PTPN12: variants seen among roughly 807,000 people sequenced by gnomAD.
PTPN12 encodes the protein protein tyrosine phosphatase non-receptor type 12, also known as tyrosine-protein phosphatase non-receptor type 12.
Under a neutral mutation model 97.6 loss-of-function variants are expected in PTPN12, and 29 were observed. The observed-to-expected ratio is 0.30, with a 90% CI of 0.22 to 0.41. The LOEUF is 0.41. PTPN12 is among the 10% of genes least tolerant of loss of function. PTPN12 has a pLI of 1.00. For synonymous variants in PTPN12, 327 were observed against 300.4 expected (o/e 1.09, Z -0.91); for missense variants, 819 against 926.0 (o/e 0.88, Z 1.50).
At chr7:77,539,710 C>T (rs942046542) in intron 1 of PTPN12, among the ~76,000 whole-genome samples, 4 of 152,098 alleles carry the variant, frequency 2.6e-5, no homozygotes, top group African/African-American at 9.7e-5. Context: ...CTCACTGCAA[C>T]CTCTGCCTCC....
At chr7:77,551,143 C>T (rs1244915482) in intron 1 of PTPN12, among the ~76,000 whole-genome samples, 2 of 152,306 alleles carry the variant, frequency 1.3e-5, no homozygotes, top group African/African-American at 4.8e-5. Flanking sequence ...TCACTGCAGT[C>T]TCCGCCTCCT....
At chr7:77,632,327 A>T (rs180999750) in intron 13 of PTPN12, 21 bp from the exon 14 acceptor site, 449 of 1,535,556 alleles carry the variant, frequency 2.9e-4, no homozygotes, top group Middle Eastern at 2.0e-3. Flanking sequence ...ATTTGTCTAA[A>T]TTTTTATGTG....
At chr7:77,600,371 G>C (rs1338073979) in intron 7 of PTPN12, among the ~76,000 whole-genome samples, 1 of 152,154 alleles carries the variant, frequency 6.6e-6, no homozygotes, top group African/African-American at 2.4e-5. Flanking sequence ...GCCCACACTT[G>C]TCACTTCTTA....
chr7:77,583,677 T>C lies in PTPN12; in HGVS notation c.381+27T>C, dbSNP rs758393567. Reference sequence around the variant, plus strand: ...TAAGTAATTTACTTTTCACAATAAATTTTGAGAAATACTTATGTAATAACA... The same window carrying C: ...TAAGTAATTTACTTTTCACAATAAACTTTGAGAAATACTTATGTAATAACA... On this transcript the variant is annotated intron_variant, in intron 4 of 17. Transcript: ENST00000248594. 11 of 1,388,614 alleles carry C rather than the reference T, an allele frequency of 7.9e-6. No homozygotes were observed. In the South Asian group the frequency reaches 8.7e-5, roughly 11 times the overall value. 86.0% of individuals were successfully genotyped at this position (1,388,614 alleles called of 1,614,324 possible).
chr7:77,630,970 G>A (rs1437014604), intron 13 of PTPN12, among the ~76,000 whole-genome samples: 1 of 152,154 alleles, frequency 6.6e-6, no homozygotes, highest in Non-Finnish European at 1.5e-5. Flanking sequence ...GGTGAGAACT[G>A]CCATGAGAGA....
chr7:77,556,896 C>G (rs1807740519), intron 1 of PTPN12, among the ~76,000 whole-genome samples: 1 of 151,970 alleles, frequency 6.6e-6, no homozygotes, highest in East Asian at 1.9e-4. Flanking sequence ...CCTGGTAGAG[C>G]TCCTGGAGGT....
At chr7:77,552,756 A>G (rs909428274) in intron 1 of PTPN12, among the ~76,000 whole-genome samples, 5 of 152,346 alleles carry the variant, frequency 3.3e-5, no homozygotes, top group Non-Finnish European at 7.3e-5. Flanking sequence ...GGACAGTCCA[A>G]TGATATGGTT....
rs192166735 is a variant in PTPN12, at chr7:77,543,650, C to T, written c.99+6005C>T. ...AATTTTAGGACATTTTCTTCACTTT[C>T]TGTACCCATTAGCAGTCACTCCCCG... On this transcript the variant is annotated intron_variant, in intron 1 of 17. Coordinates refer to ENST00000248594, the MANE Select transcript of PTPN12 (RefSeq NM_002835.4). Among the ~76,000 whole-genome samples the T allele has an allele frequency of 6.1e-3, 930 of 152,226 alleles. 5 individuals carry two copies. The highest frequency in any genetic ancestry group is 0.037 in the Middle Eastern group (11 of 294).
intron 17 of PTPN12, 65 bp downstream of exon 17, chr7:77,638,796 T>A: frequency 6.6e-7 from 1 of 1,518,118 alleles, no homozygotes. Context: ...AAAAGCTCAT[T>A]TGCCATTGTG....
chr7:77,566,717 C>G (rs564406237), intron 1 of PTPN12, among the ~76,000 whole-genome samples: 1 of 152,134 alleles, frequency 6.6e-6, no homozygotes, highest in African/African-American at 2.4e-5. Context: ...GAGTGAGTCC[C>G]TGTCTCAATA....
intron 14 of PTPN12, among the ~76,000 whole-genome samples, chr7:77,634,855 G>A (rs138570922): frequency 0.04 from 6,000 of 150,354 alleles, 206 homozygotes; most frequent in Non-Finnish European, 0.057. Context: ...GGGATTACAG[G>A]CGGGAGCCAC....
At chr7:77,574,908 T>C (rs985855793) in intron 2 of PTPN12, among the ~76,000 whole-genome samples, 5 of 151,302 alleles carry the variant, frequency 3.3e-5, no homozygotes, top group African/African-American at 1.2e-4. Flanking sequence ...CTCGGCTCAC[T>C]GCAACCTCTA....
intron 1 of PTPN12, among the ~76,000 whole-genome samples, chr7:77,561,012 A>C (rs1297216279): frequency 2.0e-5 from 3 of 152,218 alleles, no homozygotes; most frequent in Non-Finnish European, 4.4e-5. Flanking sequence ...TACATTTCAC[A>C]ACAGAGCACA....
chr7:77,611,355 C>T (rs1252881064), intron 11 of PTPN12, among the ~76,000 whole-genome samples: 1 of 152,130 alleles, frequency 6.6e-6, no homozygotes, highest in Non-Finnish European at 1.5e-5. Context: ...TTACTCTTCC[C>T]TTCCACCCCC....
chr7:77,624,872 C>A (rs1458180094), intron 12 of PTPN12, among the ~76,000 whole-genome samples: 1 of 151,818 alleles, frequency 6.6e-6, no homozygotes. Context: ...AGTGGCTCAC[C>A]CCTGTAATCC....
At chr7:77,631,156 T>G (rs1351883343) in intron 13 of PTPN12, among the ~76,000 whole-genome samples, 4 of 152,140 alleles carry the variant, frequency 2.6e-5, no homozygotes, top group Non-Finnish European at 5.9e-5. Flanking sequence ...AGACATATGG[T>G]GATGACTCAG....
chr7:77,631,814 A>G (rs558203222), intron 13 of PTPN12, among the ~76,000 whole-genome samples: 11 of 152,356 alleles, frequency 7.2e-5, no homozygotes, highest in African/African-American at 2.4e-4. Flanking sequence ...AAAAATAACT[A>G]GTATTTCCAA....
intron 1 of PTPN12, among the ~76,000 whole-genome samples, chr7:77,546,736 C>A (rs963394360): frequency 6.6e-6 from 1 of 152,144 alleles, no homozygotes; most frequent in African/African-American, 2.4e-5. Context: ...AATTGACTCA[C>A]AGTTCAGCAT....
At chr7:77,606,760 A>G (rs1017623683) in intron 8 of PTPN12, among the ~76,000 whole-genome samples, 3 of 152,228 alleles carry the variant, frequency 2.0e-5, no homozygotes, top group Non-Finnish European at 4.4e-5. Flanking sequence ...AAATCATCCC[A>G]TGGTCCAGTG....
Sources: gnomAD v4.1 joint callset for allele counts (sites outside exome capture counted in the v4.1 genomes callset) on GRCh38, gnomAD v4.1.1 for gene constraint, MANE v1.5 for transcripts, NCBI Gene and HGNC (gene_info 2026-07-23, HGNC 2026-07-21) for gene names.